The following TBC1D16 variants were observed in gnomAD, a reference collection of about 807,000 sequenced individuals.
TBC1D16 encodes CTD-2529O21.1.
In TBC1D16, 58 loss-of-function variants were observed where a neutral mutation model predicts 74.7. That is an observed-to-expected ratio of 0.78 (90% CI 0.63 to 0.97). The LOEUF is 0.97. TBC1D16 is among the 50% of genes least tolerant of loss of function. TBC1D16 has a pLI of 0.00. For missense variants in TBC1D16, 1,014 were observed against 1,079.5 expected (o/e 0.94, Z 0.85); for synonymous variants, 493 against 474.7 (o/e 1.04, Z -0.50).
At chr17:79,991,726 G>A (rs2035068705) in intron 3 of TBC1D16, among the ~76,000 whole-genome samples, 1 of 150,316 alleles carries the variant, frequency 6.7e-6, no homozygotes, top group Non-Finnish European at 1.5e-5. Flanking sequence ...GGCGGGGAGG[G>A]GGAGGGCGGG....
chr17:79,964,769 C>T (rs552644840), intron 3 of TBC1D16, among the ~76,000 whole-genome samples: 98 of 152,194 alleles, frequency 6.4e-4, no homozygotes, highest in African/African-American at 1.9e-3. Flanking sequence ...TATGATACAA[C>T]GCCATTAAGC....
rs1001953335 is a variant in TBC1D16, at chr17:79,983,028, C to T, written c.779+27132G>A. On this transcript the variant is annotated intron_variant, in intron 3 of 11. Transcript: ENST00000310924. The surrounding 1 kb of genome is among the most constrained non-coding windows in gnomAD (Gnocchi z 5.6). ...TGTGCGGAATCCCTGTGTGTGTGCA[C>T]ACGCATCCACCCCGAGCCTCTGTGT... 2.6e-5 allele frequency among the ~76,000 whole-genome samples: 4 copies of T among 152,244 alleles called. No individual in the cohort carries two copies. Among genetic ancestry groups the T allele is most frequent in the African/African-American group, 9.6e-5 (4 of 41,458 alleles).
At chr17:79,997,122 C>T (rs921951342) in intron 3 of TBC1D16, among the ~76,000 whole-genome samples, 11 of 152,116 alleles carry the variant, frequency 7.2e-5, no homozygotes, top group African/African-American at 2.2e-4. Context: ...AGGAACCCTG[C>T]GGTGGGGGAG....
chr17:80,015,093 AAC>A (rs1425650879), intron 1 of TBC1D16, among the ~76,000 whole-genome samples: 1 of 152,160 alleles, frequency 6.6e-6, no homozygotes, highest in African/African-American at 2.4e-5. Flanking sequence ...GGAGCTCACA[AAC>A]ACACACACCA....
chr17:80,023,004 T>C (rs561244693), intron 1 of TBC1D16, among the ~76,000 whole-genome samples: 8 of 150,048 alleles, frequency 5.3e-5, no homozygotes, highest in Non-Finnish European at 1.0e-4. Context: ...CGGAGGCCTA[T>C]GTGGTTTGGC....
At chr17:80,018,427 G>A (rs146660967) in intron 1 of TBC1D16, among the ~76,000 whole-genome samples, 16,574 of 148,728 alleles carry the variant, frequency 0.11, 1,348 homozygotes, top group East Asian at 0.17. Flanking sequence ...GACTACAGGC[G>A]CCCGCCACCA....
At position 79,940,790 on chromosome 17, in the gene TBC1D16, C is replaced by G. The variant is rs1405917692; in HGVS notation, c.*69G>C. ...TCCCCTGTCCCCTTCACGCCCAGCC[C>G]CACCCCCTCCCGTGCCCAGGGCCTC... is the stretch of plus-strand genomic sequence containing the variant. On this transcript the variant is annotated 3_prime_UTR_variant, in exon 12 of 12. Transcript: ENST00000310924. The surrounding 1 kb of genome is among the most constrained non-coding windows in gnomAD (Gnocchi z 5.4). The G allele has an allele frequency of 1.4e-6, 2 of 1,442,482 alleles. No individual in the cohort carries two copies. Among genetic ancestry groups the G allele is most frequent in the East Asian group, 2.5e-5 (1 of 40,622 alleles). 89.4% of individuals were successfully genotyped at this position (1,442,482 alleles called of 1,614,324 possible).
At chr17:80,019,681 G>A (rs2036219662) in intron 1 of TBC1D16, among the ~76,000 whole-genome samples, 1 of 149,566 alleles carries the variant, frequency 6.7e-6, no homozygotes, top group Admixed American at 6.6e-5. Flanking sequence ...CTTTTTTTTA[G>A]TTATGAAACA....
At position 79,970,286 on chromosome 17, in the gene TBC1D16, G is replaced by A. The variant is rs114580912; in HGVS notation, c.780-17468C>T. On this transcript the variant is annotated intron_variant, in intron 3 of 11. Transcript: ENST00000310924. ...GGCTGCCAGGGCTGGGGAAGGAAGG[G>A]CTGGGCTGTGACTGCTAGAGTATGA... Among the ~76,000 whole-genome samples, 421 of 152,298 alleles carry A rather than the reference G, an allele frequency of 2.8e-3. 4 individuals are homozygous for A. The highest frequency in any genetic ancestry group is 9.8e-3 in the African/African-American group (409 of 41,546).
chr17:79,950,973 T>C lies in TBC1D16; in HGVS notation c.1090-395A>G. On this transcript the variant is annotated intron_variant, in intron 5 of 11. Coordinates refer to ENST00000310924, the MANE Select transcript of TBC1D16 (RefSeq NM_019020.4). The surrounding 1 kb of genome is among the most constrained non-coding windows in gnomAD (Gnocchi z 4.6). ...CAGGGAGCCAGCCTGTCAGATTGCC[T>C]CCGCGAGCAGTCACGAATCCAGGGC... The C allele has an allele frequency of 1.1e-6, 1 of 914,542 alleles. No individual in the cohort carries two copies. The highest frequency in any genetic ancestry group is 1.6e-6 in the Non-Finnish European group (1 of 632,278). 56.7% of individuals were successfully genotyped at this position (914,542 alleles called of 1,614,324 possible). A position where few individuals can be genotyped will look rare whatever the true frequency, so the allele number is the denominator to read the frequency against.
chr17:80,026,009 T>C (rs1219506003), intron 1 of TBC1D16: 1 of 150,156 alleles, frequency 6.7e-6, no homozygotes, highest in South Asian at 2.1e-4. Flanking sequence ...TGCACACGGA[T>C]GTTGAGAGCA....
At chr17:79,957,135 G>A (rs908654511) in intron 3 of TBC1D16, among the ~76,000 whole-genome samples, 7 of 152,206 alleles carry the variant, frequency 4.6e-5, no homozygotes, top group African/African-American at 1.7e-4. Flanking sequence ...AGTATGCTGG[G>A]AGGGATGTGT....
At chr17:80,002,831 A>C (rs577014661) in intron 3 of TBC1D16, among the ~76,000 whole-genome samples, 1 of 152,332 alleles carries the variant, frequency 6.6e-6, no homozygotes, top group East Asian at 1.9e-4. Flanking sequence ...GACCGCGTGC[A>C]CTGCAGGACG....
At chr17:80,031,515 G>A (rs905063824) in intron 1 of TBC1D16, among the ~76,000 whole-genome samples, 1 of 152,150 alleles carries the variant, frequency 6.6e-6, no homozygotes, top group Non-Finnish European at 1.5e-5. Flanking sequence ...CAAAACGGTG[G>A]TGAGGGAAAA....
chr17:79,954,184 G>A lies in TBC1D16; in HGVS notation c.780-1366C>T, dbSNP rs1457906397. On this transcript the variant is annotated intron_variant, in intron 3 of 11. Transcript: ENST00000310924. The surrounding 1 kb of genome is among the most constrained non-coding windows in gnomAD (Gnocchi z 5.5). Reference sequence around the variant, plus strand: ...CCACAGAGACTCAGCCGCATTCACCGCACCTGCCTTCCCGTTTGAGCTCAG... The same window carrying A: ...CCACAGAGACTCAGCCGCATTCACCACACCTGCCTTCCCGTTTGAGCTCAG... Among the ~76,000 whole-genome samples, 5 of 152,088 alleles carry A rather than the reference G, an allele frequency of 3.3e-5. No homozygotes were observed. The highest frequency in any genetic ancestry group is 4.2e-4 in the South Asian group (2 of 4,810).
At chr17:79,958,147 T>G (rs918668417) in intron 3 of TBC1D16, among the ~76,000 whole-genome samples, 9 of 151,320 alleles carry the variant, frequency 5.9e-5, no homozygotes, top group Non-Finnish European at 1.2e-4. Context: ...TAAAATCTAG[T>G]GTGGTAAAGG....
intron 1 of TBC1D16, among the ~76,000 whole-genome samples, chr17:80,028,093 A>G (rs1261089117): frequency 6.6e-6 from 1 of 151,920 alleles, no homozygotes; most frequent in African/African-American, 2.4e-5. Flanking sequence ...CCAGAATGCC[A>G]TCTTCGTTAA....
intron 1 of TBC1D16, among the ~76,000 whole-genome samples, chr17:80,032,948 A>G (rs9891737): frequency 0.21 from 31,409 of 152,106 alleles, 3,582 homozygotes; most frequent in East Asian, 0.34. Context: ...AGGCAACCTG[A>G]TCAGCTCTGC....
chr17:80,003,522 C>T (rs764918265), intron 3 of TBC1D16, among the ~76,000 whole-genome samples: 4 of 152,172 alleles, frequency 2.6e-5, no homozygotes, highest in African/African-American at 4.8e-5. Context: ...CAGCGTGCAG[C>T]GCAGTGGGAG....
Sources: gnomAD v4.1 joint callset for allele counts (sites outside exome capture counted in the v4.1 genomes callset) on GRCh38, gnomAD v4.1.1 for gene constraint, Gnocchi (gnomAD v3.1) non-coding constraint, MANE v1.5 for transcripts, NCBI Gene and HGNC (gene_info 2026-07-23, HGNC 2026-07-21) for gene names.